LRRK1: variants seen among roughly 807,000 people sequenced by gnomAD.
The protein encoded by LRRK1 is leucine rich repeat kinase 1.
In LRRK1, 113 loss-of-function variants were observed where a neutral mutation model predicts 209.1. That is an observed-to-expected ratio of 0.54 (90% CI 0.46 to 0.63). The LOEUF is 0.63. Among genes scored for constraint, LRRK1 ranks in the 30% least tolerant of loss-of-function variants. The pLI, the probability that LRRK1 is intolerant of heterozygous loss-of-function variation, is 0.00. For synonymous variants in LRRK1, 1,144 were observed against 1,099.7 expected (o/e 1.04, Z -0.80); for missense variants, 2,284 against 2,632.2 (o/e 0.87, Z 2.89).
chr15:100,932,152 A>C lies in LRRK1; in HGVS notation c.97+7423A>C, dbSNP rs535004716. Among the ~76,000 whole-genome samples the C allele has an allele frequency of 4.2e-3, 632 of 152,080 alleles. 7 individuals are homozygous for C. The highest frequency in any genetic ancestry group is 0.015 in the African/African-American group (605 of 41,470). Reference sequence around the variant, plus strand: ...AGGCACTCGCCACCACGCCCAGCAAATTTTTGTATTTTTAGTAGAGATGGT... The same window carrying C: ...AGGCACTCGCCACCACGCCCAGCAACTTTTTGTATTTTTAGTAGAGATGGT... On this transcript the variant is annotated intron_variant, in intron 2 of 33. Transcript: ENST00000388948.
chr15:100,974,168 C>T (rs942680070), intron 3 of LRRK1: 1 of 421,664 alleles, frequency 2.4e-6, no homozygotes, highest in South Asian at 1.3e-4. Context: ...AAGCAGGCCC[C>T]TGCCACCTTT....
chr15:101,076,573 C>G lies in LRRK1; in HGVS notation c.*7725C>G, dbSNP rs1438663266. On this transcript the variant is annotated 3_prime_UTR_variant, in exon 34 of 34. Transcript: ENST00000388948. Reference sequence around the variant, plus strand: ...ATGGCCACACACCAGCAAAGGCAGGCTGTGCTATAGTACAAGCCGCTAGCC... The same window carrying G: ...ATGGCCACACACCAGCAAAGGCAGGGTGTGCTATAGTACAAGCCGCTAGCC... 6.6e-6 allele frequency: 1 copy of G among 152,498 alleles called. No individual in the cohort carries two copies. Among genetic ancestry groups the G allele is most frequent in the Non-Finnish European group, 1.5e-5 (1 of 68,280 alleles). The allele number at this position is 152,498 out of a possible 1,614,324, so 9.4% of individuals were successfully genotyped here.
At chr15:100,999,095 A>C (rs2032567274) in intron 6 of LRRK1, among the ~76,000 whole-genome samples, 1 of 152,238 alleles carries the variant, frequency 6.6e-6, no homozygotes, top group Non-Finnish European at 1.5e-5. Context: ...TCTCGAAAGC[A>C]AGTTAAGTAG....
At chr15:100,937,044 A>G (rs1022687061) in intron 2 of LRRK1, among the ~76,000 whole-genome samples, 1 of 152,198 alleles carries the variant, frequency 6.6e-6, no homozygotes, top group Non-Finnish European at 1.5e-5. Flanking sequence ...TAATGGGTAG[A>G]TGTCTCACTA....
rs577511168 is a variant in LRRK1 at position 101,038,286 on chromosome 15, G to A, written c.2964-7695G>A. ...GTACTGTGTACACTGCTCAGGTGAT[G>A]GGAGTGCCAAAATCTCAGAAATCAC... On this transcript the variant is annotated intron_variant, in intron 20 of 33. Coordinates refer to ENST00000388948, the MANE Select transcript of LRRK1 (RefSeq NM_024652.6). Among the ~76,000 whole-genome samples, 9 of 152,272 alleles carry A rather than the reference G, an allele frequency of 5.9e-5. No individual in the cohort carries two copies. The South Asian group carries it at 1.2e-3, about 21-fold the overall frequency.
At chr15:100,959,725 T>C (rs4965347) in intron 2 of LRRK1, among the ~76,000 whole-genome samples, 79,986 of 152,100 alleles carry the variant, frequency 0.53, 21,642 homozygotes, top group South Asian at 0.63. Flanking sequence ...ATATCTTTTA[T>C]ATGTGCCATT....
At chr15:100,960,102 G>A (rs1358099462) in intron 2 of LRRK1, among the ~76,000 whole-genome samples, 1 of 152,206 alleles carries the variant, frequency 6.6e-6, no homozygotes. Context: ...AAAGGGTCTC[G>A]AGAAGTTCAC....
Position 101,072,644 on chromosome 15 carries a change from G to A in LRRK1, c.*3796G>A, listed in dbSNP as rs192916795. On this transcript the variant is annotated 3_prime_UTR_variant, in exon 34 of 34. Transcript: ENST00000388948. ...CACCACAAAAGAAGTGAAAAAGGCC[G>A]GTCCTTGACTTAACTGATGACATTA... The A allele has an allele frequency of 2.0e-3, 304 of 154,620 alleles. 1 individual carries two copies. The Middle Eastern group carries it at 0.022, about 11-fold the overall frequency. 9.6% of individuals were successfully genotyped at this position (154,620 alleles called of 1,614,324 possible). A position where few individuals can be genotyped will look rare whatever the true frequency, so the allele number is the denominator to read the frequency against.
chr15:101,068,732 A>C lies in LRRK1; in HGVS notation c.5932A>C (p.Asn1978His). 1 of 1,613,778 alleles carries C rather than the reference A, an allele frequency of 6.2e-7. No homozygotes were observed. Among genetic ancestry groups the C allele is most frequent in the Non-Finnish European group, 8.5e-7 (1 of 1,179,804 alleles). ...DTVVCTFENE[N>H]TEWCLAVWRG... ...TGTTGTGTGCACCTTTGAAAATGAA[A>C]ACACAGAGTGGTGCCTGGCCGTCTG... Residue 1978 changes from asparagine (N) to histidine (H), a missense_variant, in exon 34 of 34, where the codon AAC becomes CAC. Around this residue, in one of 6 missense-constraint regions of LRRK1, gnomAD observed 643 missense variants for 695.9 expected, o/e 0.92. Transcript: ENST00000388948.
intron 22 of LRRK1, 183 bp from the exon 23 acceptor site, chr15:101,049,461 G>T: frequency 1.7e-6 from 1 of 583,262 alleles, no homozygotes; most frequent in Non-Finnish European, 2.8e-6. Flanking sequence ...GGCCAGGTCC[G>T]GGGCAAGAAC....
At chr15:101,067,310 G>A (rs1362600682) in intron 33 of LRRK1, 3 of 456,206 alleles carry the variant, frequency 6.6e-6, no homozygotes, top group Non-Finnish European at 1.3e-5. Context: ...CTACATGGTT[G>A]CAGTGATGTG....
At position 101,027,352 on chromosome 15, in the gene LRRK1, A is replaced by G. The variant is rs749260427; in HGVS notation, c.2497A>G (p.Ile833Val). 4 of 1,613,912 alleles carry G rather than the reference A, an allele frequency of 2.5e-6. No individual in the cohort carries two copies. Among genetic ancestry groups the G allele is most frequent in the Admixed American group, 3.3e-5 (2 of 60,030 alleles). The part of the protein sequence containing the change: ...TCSMKDVGST[I>V]GCQRLAGRLI... ...CAGCATGAAGGACGTGGGCAGCACCATCGGCTGCCAGCGACTGGCAGGGCG... is the reference window on the plus strand; with the variant it reads ...CAGCATGAAGGACGTGGGCAGCACCGTCGGCTGCCAGCGACTGGCAGGGCG... The change falls in exon 18 of 34, where the codon ATC becomes GTC. Residue 833 changes from isoleucine (I) to valine (V), a missense_variant. Ile to Val is a conservative substitution (Grantham distance 29, BLOSUM62 3). Transcript: ENST00000388948. The surrounding 1 kb of genome is among the most constrained non-coding windows in gnomAD (Gnocchi z 5.1).
intron 3 of LRRK1, among the ~76,000 whole-genome samples, chr15:100,976,829 G>A (rs1027863603): frequency 1.3e-5 from 2 of 152,146 alleles, no homozygotes; most frequent in Non-Finnish European, 1.5e-5. Context: ...AGTCTGTCCT[G>A]GTCCTAGAAT....
chr15:101,046,266 A>G (rs1372903488), intron 21 of LRRK1, 114 bp downstream of exon 21: 2 of 1,163,754 alleles, frequency 1.7e-6, no homozygotes, highest in Non-Finnish European at 2.5e-6. Context: ...CCCTTCTCCT[A>G]GAGCCATGCC....
At chr15:101,067,259 G>A (rs1298925201) in intron 33 of LRRK1, 1 of 456,294 alleles carries the variant, frequency 2.2e-6, no homozygotes, top group African/African-American at 2.0e-5. Context: ...AGTCTCCTCT[G>A]TGAAGGTATG....
intron 2 of LRRK1, among the ~76,000 whole-genome samples, chr15:100,964,100 T>G (rs1039621004): frequency 6.6e-6 from 1 of 152,088 alleles, no homozygotes; most frequent in African/African-American, 2.4e-5. Context: ...GGGCCAGAAC[T>G]GTTAGTGAGA....
At chr15:100,945,459 T>A (rs936883466) in intron 2 of LRRK1, among the ~76,000 whole-genome samples, 4 of 149,872 alleles carry the variant, frequency 2.7e-5, no homozygotes, top group African/African-American at 7.3e-5. Context: ...TTTACTTTTT[T>A]AAAAACTATC....
At chr15:100,952,711 T>C (rs1239758726) in intron 2 of LRRK1, among the ~76,000 whole-genome samples, 2 of 152,232 alleles carry the variant, frequency 1.3e-5, no homozygotes, top group African/African-American at 4.8e-5. Context: ...ATCAAATGCT[T>C]GTCAGGCTTT....
At chr15:101,006,241 T>C (rs1240143894) in intron 6 of LRRK1, among the ~76,000 whole-genome samples, 1 of 152,066 alleles carries the variant, frequency 6.6e-6, no homozygotes, top group Non-Finnish European at 1.5e-5. Flanking sequence ...CTAACTTTAA[T>C]CTAAACTTTA....
Sources: allele counts gnomAD v4.1 joint callset (sites outside exome capture counted in the v4.1 genomes callset), GRCh38; gene constraint gnomAD v4.1.1; regional missense constraint gnomAD v4.1.1; non-coding constraint Gnocchi (gnomAD v3.1); transcripts MANE v1.5; gene names NCBI Gene and HGNC (gene_info 2026-07-23, HGNC 2026-07-21).